ALCAM: variants seen among roughly 807,000 people sequenced by gnomAD.
ALCAM encodes the protein activated leukocyte cell adhesion molecule, also known as CD166 antigen.
ALCAM carries 30 observed loss-of-function variants against 70.9 expected under a neutral mutation model. That is an observed-to-expected ratio of 0.42 (90% CI 0.32 to 0.57). The LOEUF (loss-of-function observed/expected upper bound fraction) is 0.57, where lower values mean the gene tolerates loss of function less well. Among genes scored for constraint, ALCAM ranks in the 20% least tolerant of loss-of-function variants. The pLI, the probability that ALCAM is intolerant of heterozygous loss-of-function variation, is 0.11. For synonymous variants in ALCAM, 249 were observed against 242.5 expected (o/e 1.03, Z -0.25); for missense variants, 591 against 695.1 (o/e 0.85, Z 1.68).
chr3:105,440,407 T>A (rs1389582721), intron 1 of ALCAM, among the ~76,000 whole-genome samples: 1 of 152,182 alleles, frequency 6.6e-6, no homozygotes, highest in East Asian at 1.9e-4. Context: ...TTTTCAGGCT[T>A]GTCTTATTTT....
intron 1 of ALCAM, among the ~76,000 whole-genome samples, chr3:105,457,564 A>T (rs73185106): frequency 0.15 from 23,151 of 151,620 alleles, 1,873 homozygotes; most frequent in Middle Eastern, 0.19. Context: ...AAAAAAAAAA[A>T]TTTTTTTTTA....
intron 1 of ALCAM, among the ~76,000 whole-genome samples, chr3:105,422,519 G>A (rs1280556026): frequency 6.6e-6 from 1 of 151,042 alleles, no homozygotes; most frequent in Non-Finnish European, 1.5e-5. Flanking sequence ...ATAGCCTTGG[G>A]CAAAAAAGTG....
At chr3:105,511,938 T>C (rs1002847976) in intron 1 of ALCAM, among the ~76,000 whole-genome samples, 8 of 151,992 alleles carry the variant, frequency 5.3e-5, no homozygotes, top group Non-Finnish European at 7.4e-5. Context: ...ACCTCAATTA[T>C]AACACAGCAT....
intron 1 of ALCAM, among the ~76,000 whole-genome samples, chr3:105,402,292 A>C (rs1344757537): frequency 6.6e-6 from 1 of 152,182 alleles, no homozygotes; most frequent in African/African-American, 2.4e-5. Context: ...TGTGGCTCCC[A>C]CTCAGACAGA....
chr3:105,499,931 A>G (rs1256715273), intron 1 of ALCAM, among the ~76,000 whole-genome samples: 1 of 152,216 alleles, frequency 6.6e-6, no homozygotes, highest in Non-Finnish European at 1.5e-5. Context: ...GAATTGCCGT[A>G]CCCTTAATAA....
Position 105,367,388 on chromosome 3 carries a change from C to T in ALCAM, c.-21C>T. On this transcript the variant is annotated 5_prime_UTR_variant, in exon 1 of 16. Transcript: ENST00000306107. ...CTGCGGCGTGGACTCCGTCAGTGGCCCACCAAGAAGGAGGAGGAATATGGA... is the reference window on the plus strand; with the variant it reads ...CTGCGGCGTGGACTCCGTCAGTGGCTCACCAAGAAGGAGGAGGAATATGGA... 2 of 1,613,198 alleles carry T rather than the reference C, an allele frequency of 1.2e-6. No homozygotes were observed. Among genetic ancestry groups the T allele is most frequent in the South Asian group, 1.1e-5 (1 of 91,036 alleles).
intron 1 of ALCAM, among the ~76,000 whole-genome samples, chr3:105,438,713 A>C (rs935426726): frequency 6.6e-5 from 10 of 152,124 alleles, no homozygotes; most frequent in African/African-American, 2.4e-4. Flanking sequence ...ATGTTGCTAC[A>C]GATATTGTAT....
chr3:105,501,195 C>T lies in ALCAM; in HGVS notation c.74-18872C>T, dbSNP rs1213224792. Among the ~76,000 whole-genome samples, 6 of 152,226 alleles carry T rather than the reference C, an allele frequency of 3.9e-5. No homozygotes were observed. In the South Asian group the frequency reaches 8.3e-4, roughly 21 times the overall value. On this transcript the variant is annotated intron_variant, in intron 1 of 15. Transcript: ENST00000306107. Reference sequence around the variant, plus strand: ...TGTTATCATTAGCGAGAGTGACTGACAACTGACAGGAATAGTGAGAGAAAA... The same window carrying T: ...TGTTATCATTAGCGAGAGTGACTGATAACTGACAGGAATAGTGAGAGAAAA...
intron 3 of ALCAM, among the ~76,000 whole-genome samples, chr3:105,530,100 C>T (rs76790396): frequency 0.01 from 1,523 of 152,042 alleles, 16 homozygotes; most frequent in Middle Eastern, 0.027. Context: ...AAATTAACTG[C>T]ATGTATTACA....
chr3:105,405,205 A>G (rs1330028336), intron 1 of ALCAM, among the ~76,000 whole-genome samples: 4 of 130,520 alleles, frequency 3.1e-5, no homozygotes, highest in African/African-American at 1.1e-4. Context: ...TGAACCTGGG[A>G]GGTGGAGGTT....
intron 1 of ALCAM, among the ~76,000 whole-genome samples, chr3:105,518,870 GC>G (rs1939453615): frequency 6.6e-6 from 1 of 151,906 alleles, no homozygotes; most frequent in Non-Finnish European, 1.5e-5. Context: ...GTTCACTGGG[GC>G]AAAATTCTTA....
At chr3:105,441,762 T>C (rs889545204) in intron 1 of ALCAM, among the ~76,000 whole-genome samples, 28 of 152,218 alleles carry the variant, frequency 1.8e-4, no homozygotes, top group Non-Finnish European at 1.0e-4. Context: ...ATAAGTTTTA[T>C]AAATAAGAGC....
intron 1 of ALCAM, among the ~76,000 whole-genome samples, chr3:105,474,965 CT>C (rs1415862178): frequency 1.3e-5 from 2 of 151,618 alleles, no homozygotes; most frequent in Non-Finnish European, 2.9e-5. Flanking sequence ...AAAAATCATC[CT>C]GTAGCAGCTC....
intron 1 of ALCAM, among the ~76,000 whole-genome samples, chr3:105,430,632 C>G (rs1444922073): frequency 1.3e-5 from 2 of 152,024 alleles, no homozygotes; most frequent in African/African-American, 4.8e-5. Context: ...TGCCGTATTT[C>G]TCCACTATGA....
chr3:105,493,341 A>G (rs1938641985), intron 1 of ALCAM, among the ~76,000 whole-genome samples: 1 of 152,216 alleles, frequency 6.6e-6, no homozygotes, highest in Admixed American at 6.5e-5. Flanking sequence ...TATTAAGCAC[A>G]TTCTGATGTG....
intron 14 of ALCAM, among the ~76,000 whole-genome samples, chr3:105,569,187 T>G (rs906810730): frequency 1.3e-5 from 2 of 151,768 alleles, no homozygotes; most frequent in African/African-American, 4.8e-5. Flanking sequence ...GGAGTGGCAG[T>G]TAATGAAGTG....
intron 1 of ALCAM, among the ~76,000 whole-genome samples, chr3:105,458,312 T>C (rs1457406671): frequency 4.6e-5 from 7 of 152,224 alleles, no homozygotes; most frequent in Non-Finnish European, 8.8e-5. Context: ...GTTGCTTCTT[T>C]AAATATGGAG....
At chr3:105,482,749 A>G (rs923939024) in intron 1 of ALCAM, among the ~76,000 whole-genome samples, 10 of 152,198 alleles carry the variant, frequency 6.6e-5, no homozygotes, top group African/African-American at 2.4e-4. Context: ...TATAAATGTT[A>G]TATTAAAAAG....
chr3:105,437,061 T>C (rs1937066339), intron 1 of ALCAM, among the ~76,000 whole-genome samples: 1 of 152,220 alleles, frequency 6.6e-6, no homozygotes, highest in African/African-American at 2.4e-5. Flanking sequence ...TCTTGTGTCC[T>C]TATGTAACTC....
Sources: allele counts gnomAD v4.1 joint callset (sites outside exome capture counted in the v4.1 genomes callset), GRCh38; gene constraint gnomAD v4.1.1; transcripts MANE v1.5; gene names NCBI Gene and HGNC (gene_info 2026-07-23, HGNC 2026-07-21).